BRINP3: variants seen among roughly 807,000 people sequenced by gnomAD.
BRINP3 encodes BMP/retinoic acid inducible neural specific 3.
Under a neutral mutation model 71.0 loss-of-function variants are expected in BRINP3, and 19 were observed. The observed-to-expected ratio is 0.27, with a 90% CI of 0.19 to 0.39. The LOEUF (loss-of-function observed/expected upper bound fraction) is 0.39, where lower values mean the gene tolerates loss of function less well. BRINP3 is among the 10% of genes least tolerant of loss of function. The probability of loss-of-function intolerance (pLI) is 1.00; values close to 1 mark genes in which losing one functional copy is unlikely to be tolerated. For synonymous variants in BRINP3, 380 were observed against 337.7 expected, an observed-to-expected ratio of 1.13 and a Z score of -1.37; for missense variants, 959 against 940.8, an observed-to-expected ratio of 1.02 and a Z score of -0.25.
At chr1:190,319,814 T>C (rs1666118591) in intron 2 of BRINP3, among the ~76,000 whole-genome samples, 1 of 152,082 alleles carries the variant, frequency 6.6e-6, no homozygotes, top group East Asian at 1.9e-4. Flanking sequence ...GGATTACATT[T>C]AACATGGGAT....
At chr1:190,302,046 T>C (rs1664777229) in intron 2 of BRINP3, among the ~76,000 whole-genome samples, 1 of 151,304 alleles carries the variant, frequency 6.6e-6, no homozygotes, top group Non-Finnish European at 1.5e-5. Context: ...GAGAAAAATA[T>C]AGAGTTAATC....
chr1:190,397,215 T>C (rs1671637051), intron 2 of BRINP3, among the ~76,000 whole-genome samples: 1 of 152,028 alleles, frequency 6.6e-6, no homozygotes, highest in Non-Finnish European at 1.5e-5. Flanking sequence ...TCTGGCCTTT[T>C]GCATACCATT....
At chr1:190,304,783 G>T (rs1322707115) in intron 2 of BRINP3, among the ~76,000 whole-genome samples, 1 of 151,860 alleles carries the variant, frequency 6.6e-6, no homozygotes, top group Non-Finnish European at 1.5e-5. Flanking sequence ...AAAGTAAAAA[G>T]CTTCTGCACA....
At chr1:190,176,454 C>T (rs997268615) in intron 6 of BRINP3, among the ~76,000 whole-genome samples, 2 of 152,090 alleles carry the variant, frequency 1.3e-5, no homozygotes, top group African/African-American at 4.8e-5. Flanking sequence ...ATGGGAGATA[C>T]GAAGTCACTA....
intron 7 of BRINP3, among the ~76,000 whole-genome samples, chr1:190,143,267 C>T (rs1655609964): frequency 6.6e-6 from 1 of 151,910 alleles, no homozygotes; most frequent in Non-Finnish European, 1.5e-5. Context: ...TGCTGGCTTT[C>T]GGAAGATGTG....
intron 2 of BRINP3, among the ~76,000 whole-genome samples, chr1:190,393,439 C>A (rs1433871047): frequency 6.6e-6 from 1 of 151,460 alleles, no homozygotes; most frequent in Non-Finnish European, 1.5e-5. Flanking sequence ...GAAGGAGAAA[C>A]ATAAATCAAT....
chr1:190,469,752 G>A (rs554434087), intron 1 of BRINP3, among the ~76,000 whole-genome samples: 51 of 150,920 alleles, frequency 3.4e-4, no homozygotes, highest in Non-Finnish European at 6.7e-4. Flanking sequence ...GGGCTTTGGT[G>A]AGCAACATTA....
At chr1:190,150,292 A>C (rs539496656) in intron 7 of BRINP3, among the ~76,000 whole-genome samples, 1 of 151,324 alleles carries the variant, frequency 6.6e-6, no homozygotes, top group East Asian at 1.9e-4. Context: ...GTGTGTGTAC[A>C]TACATAGATA....
intron 6 of BRINP3, among the ~76,000 whole-genome samples, chr1:190,176,975 T>C (rs938220325): frequency 2.0e-5 from 3 of 152,130 alleles, no homozygotes; most frequent in African/African-American, 4.8e-5. Flanking sequence ...TCTTAACCTC[T>C]TTCTATGGAG....
At chr1:190,344,149 T>A (rs1667855983) in intron 2 of BRINP3, among the ~76,000 whole-genome samples, 1 of 151,840 alleles carries the variant, frequency 6.6e-6, no homozygotes, top group South Asian at 2.1e-4. Context: ...CTTCTATTAC[T>A]AATATAAAAA....
At chr1:190,291,810 T>C (rs541366965) in intron 2 of BRINP3, among the ~76,000 whole-genome samples, 5 of 152,244 alleles carry the variant, frequency 3.3e-5, no homozygotes, top group Admixed American at 6.6e-5. Flanking sequence ...TGGGTATATA[T>C]ACGTATTTAT....
intron 2 of BRINP3, among the ~76,000 whole-genome samples, chr1:190,439,869 TG>T (rs796717168): frequency 9.9e-5 from 15 of 152,086 alleles, no homozygotes; most frequent in African/African-American, 3.6e-4. Flanking sequence ...TCACATGTCG[TG>T]GGCAAGTTTT....
At chr1:190,256,395 T>A (rs1571533431) in intron 4 of BRINP3, among the ~76,000 whole-genome samples, 1 of 152,306 alleles carries the variant, frequency 6.6e-6, no homozygotes, top group East Asian at 1.9e-4. Flanking sequence ...GCACATGAGA[T>A]GGGTCTCCTG....
intron 2 of BRINP3, among the ~76,000 whole-genome samples, chr1:190,305,790 T>C (rs1344352871): frequency 2.0e-5 from 3 of 151,516 alleles, no homozygotes; most frequent in Non-Finnish European, 4.4e-5. Flanking sequence ...AGAAGAGAGG[T>C]TTTAAAACCT....
At chr1:190,122,910 T>C (rs1021903925) in intron 7 of BRINP3, among the ~76,000 whole-genome samples, 1 of 152,212 alleles carries the variant, frequency 6.6e-6, no homozygotes, top group African/African-American at 2.4e-5. Context: ...TAAAGATGCA[T>C]GAATCTGAGG....
chr1:190,160,962 AAT>A, intron 6 of BRINP3, 72 bp from the exon 7 acceptor site: 2 of 1,058,282 alleles, frequency 1.9e-6, no homozygotes, highest in Non-Finnish European at 2.8e-6. Flanking sequence ...CACGTATGTC[AAT>A]ATTAAGAACA....
At chr1:190,438,916 T>C (rs1217582757) in intron 2 of BRINP3, among the ~76,000 whole-genome samples, 1 of 151,944 alleles carries the variant, frequency 6.6e-6, no homozygotes, top group Non-Finnish European at 1.5e-5. Context: ...CAGGATTCAA[T>C]CTCAGACCCC....
In BRINP3 at chr1:190,243,433, A is replaced by C. The variant is rs539920509; in HGVS notation, c.619-8956T>G. 6.6e-5 allele frequency among the ~76,000 whole-genome samples: 10 copies of C among 152,220 alleles called. No individual in the cohort carries two copies. In the East Asian group the frequency reaches 1.9e-3, roughly 29 times the overall value. ...CTTTCATTACTTTCCTAATTGCATGAATATACATTTAGAAAACTGACATTT... is the reference window on the plus strand; with the variant it reads ...CTTTCATTACTTTCCTAATTGCATGCATATACATTTAGAAAACTGACATTT... On this transcript the variant is annotated intron_variant, in intron 4 of 7. Transcript: ENST00000367462.
At chr1:190,290,760 C>T (rs1029862722) in intron 2 of BRINP3, among the ~76,000 whole-genome samples, 7 of 151,920 alleles carry the variant, frequency 4.6e-5, no homozygotes, top group South Asian at 2.1e-4. Context: ...ATAAATTCTC[C>T]GAGGCTGTAT....
Sources: gnomAD v4.1 joint callset for allele counts (sites outside exome capture counted in the v4.1 genomes callset) on GRCh38, gnomAD v4.1.1 for gene constraint, MANE v1.5 for transcripts, NCBI Gene and HGNC (gene_info 2026-07-23, HGNC 2026-07-21) for gene names.